The following NTM variants were observed in gnomAD, a reference collection of about 807,000 sequenced individuals.
NTM encodes IgLON family member 2.
Under a neutral mutation model 42.1 loss-of-function variants are expected in NTM, and 13 were observed. The ratio of observed to expected loss-of-function variants is 0.31; its 90% CI spans 0.20 to 0.49. The LOEUF (loss-of-function observed/expected upper bound fraction) is 0.49, where lower values mean the gene tolerates loss of function less well. NTM is among the 20% of genes least tolerant of loss of function. NTM has a pLI of 0.99. For synonymous variants in NTM, 187 were observed against 179.2 expected (o/e 1.04, Z -0.35); for missense variants, 373 against 452.8 (o/e 0.82, Z 1.60).
chr11:131,555,249 CGTT>C (rs752263547), intron 1 of NTM, among the ~76,000 whole-genome samples: 34 of 152,150 alleles, frequency 2.2e-4, no homozygotes, highest in Non-Finnish European at 3.4e-4. Context: ...TAAATGCAAA[CGTT>C]GTTCTCAATC....
At chr11:131,733,357 TTTTC>T (rs1361527205) in intron 1 of NTM, among the ~76,000 whole-genome samples, 6 of 152,160 alleles carry the variant, frequency 3.9e-5, no homozygotes, top group African/African-American at 1.4e-4. Flanking sequence ...TAACGAGGAC[TTTTC>T]TTTCTTGTTC....
chr11:132,182,196 A>C (rs11606570), intron 3 of NTM, among the ~76,000 whole-genome samples: 18,921 of 151,946 alleles, frequency 0.12, 1,443 homozygotes, highest in East Asian at 0.27. Flanking sequence ...TTTTGTTAGT[A>C]GTGTTTATTT....
chr11:131,940,823 G>T (rs1370734877), intron 2 of NTM, among the ~76,000 whole-genome samples: 3 of 152,180 alleles, frequency 2.0e-5, no homozygotes, highest in Non-Finnish European at 2.9e-5. Context: ...ATTACTACAA[G>T]CCTGAATTTT....
chr11:131,570,921 T>C (rs934800523), intron 1 of NTM, among the ~76,000 whole-genome samples: 3 of 152,206 alleles, frequency 2.0e-5, no homozygotes, highest in Non-Finnish European at 2.9e-5. Context: ...ACAAGAATCA[T>C]ACACCCCTGG....
chr11:132,204,492 G>A (rs917386148), intron 3 of NTM, among the ~76,000 whole-genome samples: 1 of 152,168 alleles, frequency 6.6e-6, no homozygotes, highest in Non-Finnish European at 1.5e-5. Context: ...GGCAGGCTGG[G>A]GGTTCTCTTG....
intron 1 of NTM, among the ~76,000 whole-genome samples, chr11:131,394,475 C>G (rs1412678653): frequency 1.3e-5 from 2 of 152,142 alleles, no homozygotes; most frequent in Admixed American, 1.3e-4. Flanking sequence ...GGAGAGAAGA[C>G]TGAGTAGGGA....
In NTM at chr11:132,336,123, G is replaced by GT. The variant is rs1334809416; in HGVS notation, c.*978dup. On this transcript the variant is annotated 3_prime_UTR_variant, in exon 9 of 9. Transcript: ENST00000683400. ...TAGAAATGGAAAGGTGATCTGCACT[G>GT]TATCTTGGGTTTGTTGGCTATGCTT... 2.6e-5 allele frequency: 4 copies of GT among 152,552 alleles called. No individual in the cohort carries two copies. Among genetic ancestry groups the GT allele is most frequent in the Non-Finnish European group, 5.9e-5 (4 of 68,048 alleles). 9.4% of individuals were successfully genotyped at this position (152,552 alleles called of 1,614,324 possible).
chr11:131,475,773 G>A (rs1304181610), intron 1 of NTM, among the ~76,000 whole-genome samples: 2 of 152,078 alleles, frequency 1.3e-5, no homozygotes, highest in Non-Finnish European at 2.9e-5. Flanking sequence ...AGTATAACTG[G>A]GCTTTAGAAA....
At chr11:132,092,725 A>G (rs11222914) in intron 2 of NTM, among the ~76,000 whole-genome samples, 19,529 of 152,120 alleles carry the variant, frequency 0.13, 1,480 homozygotes, top group South Asian at 0.2. Flanking sequence ...AGACCTCTCA[A>G]ATTCAGTGGG....
chr11:131,777,056 C>T, intron 1 of NTM: 1 of 929,106 alleles, frequency 1.1e-6, no homozygotes, highest in Non-Finnish European at 1.3e-6. Flanking sequence ...CAGAAAGTTG[C>T]TTCTGCCATA....
At chr11:131,915,662 A>G (rs1565728081) in intron 2 of NTM, among the ~76,000 whole-genome samples, 1 of 152,200 alleles carries the variant, frequency 6.6e-6, no homozygotes, top group Non-Finnish European at 1.5e-5. Flanking sequence ...TTATAGAGAA[A>G]AAGAGGTTTA....
intron 1 of NTM, among the ~76,000 whole-genome samples, chr11:131,532,954 T>C (rs1394257938): frequency 1.3e-5 from 2 of 152,186 alleles, no homozygotes; most frequent in Non-Finnish European, 2.9e-5. Context: ...ATATAAGTTG[T>C]GACTACCAGG....
chr11:132,221,847 G>A (rs543341492), intron 4 of NTM, among the ~76,000 whole-genome samples: 5 of 152,216 alleles, frequency 3.3e-5, no homozygotes, highest in African/African-American at 9.6e-5. Flanking sequence ...AATACTAAAC[G>A]GCAAAGGTGA....
intron 2 of NTM, among the ~76,000 whole-genome samples, chr11:132,012,169 G>A (rs1056566137): frequency 1.3e-5 from 2 of 151,932 alleles, no homozygotes; most frequent in African/African-American, 2.4e-5. Flanking sequence ...GGGGAAGAAA[G>A]GAAAAAGAGG....
intron 1 of NTM, among the ~76,000 whole-genome samples, chr11:131,563,897 C>T (rs2512647): frequency 0.86 from 130,657 of 152,098 alleles, 56,393 homozygotes; most frequent in East Asian, 0.99. Flanking sequence ...CCATCTCTAC[C>T]GTTCCTTCGC....
At chr11:132,071,222 A>C (rs1485004896) in intron 2 of NTM, among the ~76,000 whole-genome samples, 1 of 139,120 alleles carries the variant, frequency 7.2e-6, no homozygotes, top group Non-Finnish European at 1.6e-5. Flanking sequence ...ACTGACCATC[A>C]CAGGTTAGTT....
intron 2 of NTM, among the ~76,000 whole-genome samples, chr11:132,005,279 C>G (rs2070505708): frequency 6.6e-6 from 1 of 152,182 alleles, no homozygotes; most frequent in African/African-American, 2.4e-5. Flanking sequence ...GTCAGAAAGA[C>G]TGGAGAATAA....
intron 1 of NTM, among the ~76,000 whole-genome samples, chr11:131,401,799 AAT>A (rs61167647): frequency 0.012 from 431 of 34,936 alleles, 36 homozygotes; most frequent in African/African-American, 0.012. Flanking sequence ...GGCCACTGGA[AAT>A]ATATATATAT....
intron 4 of NTM, among the ~76,000 whole-genome samples, chr11:132,263,501 T>A (rs1403110710): frequency 6.6e-6 from 1 of 152,246 alleles, no homozygotes; most frequent in Non-Finnish European, 1.5e-5. Flanking sequence ...GCAATGAGTC[T>A]GCCACGCCCT....
Sources: gnomAD v4.1 joint callset for allele counts (sites outside exome capture counted in the v4.1 genomes callset) on GRCh38, gnomAD v4.1.1 for gene constraint, MANE v1.5 for transcripts, NCBI Gene and HGNC (gene_info 2026-07-23, HGNC 2026-07-21) for gene names.